The following JARID2 variants were observed in gnomAD, a reference collection of about 807,000 sequenced individuals.
JARID2 encodes the protein jumonji and AT-rich interaction domain containing 2.
JARID2 carries 21 observed loss-of-function variants against 125.6 expected under a neutral mutation model. The observed-to-expected ratio is 0.17, with a 90% CI of 0.12 to 0.24. The LOEUF (loss-of-function observed/expected upper bound fraction) is 0.24, where lower values mean the gene tolerates loss of function less well. JARID2 is among the 10% of genes least tolerant of loss of function. The pLI, the probability that JARID2 is intolerant of heterozygous loss-of-function variation, is 1.00. For synonymous variants in JARID2, 736 were observed against 661.6 expected (o/e 1.11, Z -1.73); for missense variants, 1,303 against 1,639.6 (o/e 0.79, Z 3.55).
chr6:15,262,579 C>A (rs1330380461), intron 1 of JARID2, among the ~76,000 whole-genome samples: 1 of 141,966 alleles, frequency 7.0e-6, no homozygotes, highest in Non-Finnish European at 1.5e-5. Context: ...CTAGCCCAGG[C>A]TGGAGTGCAG....
intron 9 of JARID2, 140 bp from the exon 10 acceptor site, chr6:15,506,996 T>C (rs936527285): frequency 1.1e-5 from 7 of 642,974 alleles, no homozygotes; most frequent in Non-Finnish European, 2.0e-5. Flanking sequence ...AGCGTCCTGC[T>C]GGAGACACTC....
intron 1 of JARID2, among the ~76,000 whole-genome samples, chr6:15,348,178 G>A (rs972811290): frequency 4.6e-5 from 7 of 150,848 alleles, no homozygotes; most frequent in African/African-American, 7.3e-5. Flanking sequence ...TGCAATGTCC[G>A]CCTCCTGGGT....
intron 1 of JARID2, chr6:15,247,329 G>GATTTAAATGGCTTGGAAT: frequency 1.4e-6 from 1 of 697,846 alleles, no homozygotes; most frequent in East Asian, 1.3e-4. Context: ...ATTATTCCTA[G>GATTTAAATGGCTTGGAAT]ATTTAAATGG....
At chr6:15,372,865 C>T (rs749856301) in intron 1 of JARID2, among the ~76,000 whole-genome samples, 16 of 152,076 alleles carry the variant, frequency 1.1e-4, no homozygotes, top group Admixed American at 2.0e-4. Context: ...CGTGCCACCA[C>T]GCCTGGCTAG....
At chr6:15,270,710 G>C (rs1416483852) in intron 1 of JARID2, among the ~76,000 whole-genome samples, 2 of 152,170 alleles carry the variant, frequency 1.3e-5, no homozygotes, top group Non-Finnish European at 2.9e-5. Context: ...CACTTTGGGA[G>C]GTCAAGGTGG....
intron 2 of JARID2, among the ~76,000 whole-genome samples, chr6:15,379,560 G>A (rs1764500272): frequency 6.6e-6 from 1 of 152,198 alleles, no homozygotes; most frequent in South Asian, 2.1e-4. Context: ...TCCTATAAAT[G>A]TCATCTTAGA....
At chr6:15,254,010 T>C (rs78196259) in intron 1 of JARID2, among the ~76,000 whole-genome samples, 200 of 152,318 alleles carry the variant, frequency 1.3e-3, no homozygotes, top group African/African-American at 4.6e-3. Context: ...GAAAAGGTTG[T>C]AAAAGGGACT....
chr6:15,260,716 C>T (rs1378425235), intron 1 of JARID2, among the ~76,000 whole-genome samples: 2 of 152,228 alleles, frequency 1.3e-5, no homozygotes, highest in Admixed American at 6.5e-5. Flanking sequence ...AATCAAAACT[C>T]TAATGATGCT....
intron 2 of JARID2, among the ~76,000 whole-genome samples, chr6:15,382,135 C>T (rs1211946729): frequency 3.9e-5 from 6 of 152,178 alleles, no homozygotes; most frequent in African/African-American, 1.2e-4. Context: ...TGGTGGCGCA[C>T]GCCTGTACTC....
At chr6:15,500,665 G>A (rs1036117664) in intron 7 of JARID2, among the ~76,000 whole-genome samples, 5 of 151,994 alleles carry the variant, frequency 3.3e-5, no homozygotes, top group East Asian at 1.9e-4. Flanking sequence ...CTCCTCAGAC[G>A]CTCCCCACCT....
intron 4 of JARID2, among the ~76,000 whole-genome samples, chr6:15,465,814 G>GTTTGTTT (rs1403951096): frequency 1.4e-5 from 2 of 144,732 alleles, no homozygotes; most frequent in African/African-American, 5.0e-5. Context: ...TTGTTTGTTT[G>GTTTGTTT]TTTTTTTGAG....
chr6:15,323,591 C>T (rs1385202429), intron 1 of JARID2, among the ~76,000 whole-genome samples: 1 of 152,212 alleles, frequency 6.6e-6, no homozygotes, highest in Non-Finnish European at 1.5e-5. Flanking sequence ...TTTTAGGGGA[C>T]ACAAGGCAAC....
intron 1 of JARID2, among the ~76,000 whole-genome samples, chr6:15,282,440 C>T (rs773470562): frequency 3.3e-5 from 5 of 152,080 alleles, no homozygotes; most frequent in African/African-American, 9.7e-5. Flanking sequence ...CAGCCTTTTT[C>T]GTTGGTCTGT....
chr6:15,491,902 A>G (rs949475340), intron 6 of JARID2, among the ~76,000 whole-genome samples: 3 of 152,166 alleles, frequency 2.0e-5, no homozygotes, highest in African/African-American at 7.2e-5. Flanking sequence ...TCAGGTAGGA[A>G]CGTTTGATGT....
chr6:15,303,936 A>G (rs1345044820), intron 1 of JARID2, among the ~76,000 whole-genome samples: 4 of 152,196 alleles, frequency 2.6e-5, no homozygotes, highest in Non-Finnish European at 5.9e-5. Context: ...GGTTGGGAGC[A>G]CTGGGTTGAG....
chr6:15,392,101 T>C (rs1765040142), intron 2 of JARID2, among the ~76,000 whole-genome samples: 1 of 150,150 alleles, frequency 6.7e-6, no homozygotes, highest in African/African-American at 2.5e-5. Context: ...TGGCAAAATG[T>C]GAGTCCAACT....
At chr6:15,384,993 C>G (rs1561828465) in intron 2 of JARID2, among the ~76,000 whole-genome samples, 1 of 152,212 alleles carries the variant, frequency 6.6e-6, no homozygotes, top group East Asian at 1.9e-4. Flanking sequence ...GCTCGCTCAG[C>G]TTCTGCCTTT....
At chr6:15,400,466 G>A (rs570944191) in intron 2 of JARID2, among the ~76,000 whole-genome samples, 8 of 151,336 alleles carry the variant, frequency 5.3e-5, no homozygotes, top group East Asian at 3.9e-4. Context: ...CCTGGAGTCC[G>A]CTGTCTGTGG....
chr6:15,470,518 C>T (rs1040502640), intron 5 of JARID2, among the ~76,000 whole-genome samples: 2 of 152,210 alleles, frequency 1.3e-5, no homozygotes, highest in African/African-American at 4.8e-5. Context: ...TGTTGTTGGG[C>T]ATTTCTGCTC....
Sources: allele counts gnomAD v4.1 joint callset (sites outside exome capture counted in the v4.1 genomes callset), GRCh38; gene constraint gnomAD v4.1.1; transcripts MANE v1.5; gene names NCBI Gene and HGNC (gene_info 2026-07-23, HGNC 2026-07-21).